The following DPP10 variants were observed in gnomAD, a reference collection of about 807,000 sequenced individuals.
The protein encoded by DPP10 is dipeptidyl peptidase like 10.
DPP10 carries 33 observed loss-of-function variants against 120.9 expected under a neutral mutation model. The observed-to-expected ratio is 0.27, with a 90% CI of 0.21 to 0.37. The LOEUF (loss-of-function observed/expected upper bound fraction) is 0.37. Ranked by LOEUF, DPP10 falls within the 10% of genes least tolerant of loss-of-function variation. The pLI, the probability that DPP10 is intolerant of heterozygous loss-of-function variation, is 1.00. For synonymous variants in DPP10, 337 were observed against 326.1 expected, an observed-to-expected ratio of 1.03 and a Z score of -0.36; for missense variants, 816 against 942.8, an observed-to-expected ratio of 0.87 and a Z score of 1.76.
At chr2:114,642,535 AGGAG>A (rs1695789395) in intron 1 of DPP10, among the ~76,000 whole-genome samples, 1 of 151,962 alleles carries the variant, frequency 6.6e-6, no homozygotes, top group African/African-American at 2.4e-5. Context: ...AGTTTCTCCC[AGGAG>A]GTTGCAGTGC....
chr2:114,791,613 C>T (rs761243102), intron 1 of DPP10, among the ~76,000 whole-genome samples: 1 of 152,076 alleles, frequency 6.6e-6, no homozygotes, highest in Non-Finnish European at 1.5e-5. Flanking sequence ...AAGAAGTCTT[C>T]AACCTTCTTA....
intron 3 of DPP10, among the ~76,000 whole-genome samples, chr2:115,429,732 A>ACTT (rs941603241): frequency 6.9e-5 from 6 of 87,236 alleles, no homozygotes; most frequent in African/African-American, 1.1e-4. Flanking sequence ...GGAAACATAA[A>ACTT]CTTCTCAGAA....
intron 1 of DPP10, among the ~76,000 whole-genome samples, chr2:114,998,427 G>A (rs921053407): frequency 1.3e-5 from 2 of 152,106 alleles, no homozygotes; most frequent in Non-Finnish European, 2.9e-5. Context: ...TAGGCAGTAT[G>A]CATTTAGTTG....
At chr2:115,521,082 C>T (rs1415831828) in intron 4 of DPP10, among the ~76,000 whole-genome samples, 1 of 152,090 alleles carries the variant, frequency 6.6e-6, no homozygotes, top group Non-Finnish European at 1.5e-5. Flanking sequence ...TAGAATGATC[C>T]TTCAGAGAAA....
intron 5 of DPP10, among the ~76,000 whole-genome samples, chr2:115,531,160 T>TC (rs960649144): frequency 3.3e-5 from 5 of 151,672 alleles, no homozygotes; most frequent in Non-Finnish European, 7.4e-5. Context: ...TTTTTTTTTT[T>TC]TTTCCTGAAA....
chr2:115,720,046 G>C (rs2092605952), intron 7 of DPP10, among the ~76,000 whole-genome samples: 1 of 152,060 alleles, frequency 6.6e-6, no homozygotes, highest in South Asian at 2.1e-4. Context: ...GTTTCTGTTA[G>C]GTATATACCT....
chr2:115,840,329 T>G (rs1234401231), intron 24 of DPP10, among the ~76,000 whole-genome samples: 1 of 120,442 alleles, frequency 8.3e-6, no homozygotes, highest in African/African-American at 3.2e-5. Context: ...GTTTTTTTTT[T>G]TTTTTTTTTT....
chr2:115,839,851 A>C (rs1392666157), intron 24 of DPP10, among the ~76,000 whole-genome samples: 1 of 152,122 alleles, frequency 6.6e-6, no homozygotes, highest in Admixed American at 6.6e-5. Context: ...CTTACTTCAG[A>C]ATCTTGGATC....
intron 12 of DPP10, among the ~76,000 whole-genome samples, chr2:115,767,873 T>A: frequency 6.6e-6 from 1 of 152,176 alleles, no homozygotes; most frequent in East Asian, 1.9e-4. Flanking sequence ...AAGAAAGGAT[T>A]TCAAAAAATA....
chr2:114,719,014 C>T (rs531029819), intron 1 of DPP10, among the ~76,000 whole-genome samples: 13 of 152,166 alleles, frequency 8.5e-5, no homozygotes, highest in Non-Finnish European at 1.8e-4. Flanking sequence ...GGCTTATATG[C>T]CTCAAAGAGA....
Position 115,796,010 on chromosome 2 carries a change from T to C in DPP10, c.1700+4654T>C, listed in dbSNP as rs562376265. Reference sequence around the variant, plus strand: ...TGTAGCCCTCCTATCTAAAATCTTCTCATTATTCATTCATCATTGATTAAA... The same window carrying C: ...TGTAGCCCTCCTATCTAAAATCTTCCCATTATTCATTCATCATTGATTAAA... On this transcript the variant is annotated intron_variant, in intron 19 of 25. Coordinates refer to ENST00000410059, the MANE Select transcript of DPP10 (RefSeq NM_020868.6). Among the ~76,000 whole-genome samples the C allele has an allele frequency of 2.9e-4, 44 of 152,212 alleles. No individual in the cohort carries two copies. In the South Asian group the frequency reaches 6.0e-3, roughly 21 times the overall value.
At chr2:115,116,151 T>A (rs944483330) in intron 1 of DPP10, among the ~76,000 whole-genome samples, 1 of 152,052 alleles carries the variant, frequency 6.6e-6, no homozygotes, top group Non-Finnish European at 1.5e-5. Context: ...AATCTCATTT[T>A]TTTTCCCAAA....
intron 3 of DPP10, among the ~76,000 whole-genome samples, chr2:115,375,413 A>G (rs967418025): frequency 2.0e-5 from 3 of 152,324 alleles, no homozygotes; most frequent in African/African-American, 7.2e-5. Flanking sequence ...CATTATCTGC[A>G]TCACTATCAC....
At chr2:114,813,951 C>T (rs1685402440) in intron 1 of DPP10, among the ~76,000 whole-genome samples, 1 of 146,858 alleles carries the variant, frequency 6.8e-6, no homozygotes, top group Non-Finnish European at 1.5e-5. Flanking sequence ...AACACACACA[C>T]ACACACACAC....
chr2:115,390,969 A>G (rs2067276951), intron 3 of DPP10, among the ~76,000 whole-genome samples: 2 of 152,146 alleles, frequency 1.3e-5, no homozygotes, highest in Non-Finnish European at 2.9e-5. Context: ...GCACTTTTTC[A>G]TTATGACTGA....
intron 1 of DPP10, among the ~76,000 whole-genome samples, chr2:115,023,860 C>A (rs1390483938): frequency 6.6e-6 from 1 of 152,040 alleles, no homozygotes; most frequent in Admixed American, 6.6e-5. Context: ...ACATTCACAG[C>A]AACCTGGATG....
At chr2:115,221,800 A>G (rs1340963171) in intron 1 of DPP10, among the ~76,000 whole-genome samples, 2 of 139,734 alleles carry the variant, frequency 1.4e-5, no homozygotes, top group Admixed American at 7.5e-5. Context: ...AGAGAAAACC[A>G]TGGTCTATAA....
At chr2:115,167,814 A>T (rs1186235838) in intron 1 of DPP10, among the ~76,000 whole-genome samples, 1 of 152,116 alleles carries the variant, frequency 6.6e-6, no homozygotes, top group African/African-American at 2.4e-5. Context: ...TTACATCCTG[A>T]CTTTCATTCA....
At chr2:114,848,609 T>G (rs1688718633) in intron 1 of DPP10, among the ~76,000 whole-genome samples, 1 of 152,222 alleles carries the variant, frequency 6.6e-6, no homozygotes, top group African/African-American at 2.4e-5. Flanking sequence ...CGACTAGGAC[T>G]TTCATTGAAG....
Sources: gnomAD v4.1 joint callset for allele counts (sites outside exome capture counted in the v4.1 genomes callset) on GRCh38, gnomAD v4.1.1 for gene constraint, MANE v1.5 for transcripts, NCBI Gene and HGNC (gene_info 2026-07-23, HGNC 2026-07-21) for gene names.